The following SMARCA2 variants were observed in gnomAD, a reference collection of about 807,000 sequenced individuals.
SMARCA2 encodes SWI/SNF-related matrix-associated actin-dependent regulator of chromatin subfamily A member 2.
Under a neutral mutation model 199.8 loss-of-function variants are expected in SMARCA2, and 61 were observed. The ratio of observed to expected loss-of-function variants is 0.31; its 90% CI spans 0.25 to 0.38. The LOEUF (loss-of-function observed/expected upper bound fraction) is 0.38, where lower values mean the gene tolerates loss of function less well. Ranked by LOEUF, SMARCA2 falls within the 10% of genes least tolerant of loss-of-function variation. The probability of loss-of-function intolerance (pLI) is 1.00; values close to 1 mark genes in which losing one functional copy is unlikely to be tolerated. For synonymous variants in SMARCA2, 935 were observed against 732.0 expected, an observed-to-expected ratio of 1.28 and a Z score of -4.48; for missense variants, 1,344 against 2,012.2, an observed-to-expected ratio of 0.67 and a Z score of 6.35.
At chr9:2,028,856 C>G in intron 1 of SMARCA2, 131 bp from the exon 2 acceptor site, 1 of 718,228 alleles carries the variant, frequency 1.4e-6, no homozygotes, top group Non-Finnish European at 2.3e-6. Context: ...ACTCAAACAT[C>G]TGGACTAGAC....
Position 2,186,188 on chromosome 9 carries a change from AGAG to A in SMARCA2, c.4560_4562del (p.Glu1523del), listed in dbSNP as rs753887922. 1 of 1,614,098 alleles carries A rather than the reference AGAG, an allele frequency of 6.2e-7. No homozygotes were observed. Among genetic ancestry groups the A allele is most frequent in the South Asian group, 1.1e-5 (1 of 91,078 alleles). On this transcript the variant is annotated inframe_deletion, in exon 32 of 34. Coordinates refer to ENST00000349721, the MANE Select transcript of SMARCA2 (RefSeq NM_003070.5). ...AAGAGAGTGAGGATGAAAGCAATGA[AGAG>A]GAGGAAGAGGAAGATGAAGAAGAGT...
intron 27 of SMARCA2, among the ~76,000 whole-genome samples, chr9:2,138,361 C>CA (rs57469831): frequency 0.2 from 31,104 of 152,000 alleles, 6,181 homozygotes; most frequent in African/African-American, 0.49. Flanking sequence ...TGGATGACAC[C>CA]ATGACCCTTT....
chr9:2,093,519 G>A (rs985727467), intron 19 of SMARCA2, among the ~76,000 whole-genome samples: 3 of 152,174 alleles, frequency 2.0e-5, no homozygotes, highest in Non-Finnish European at 2.9e-5. Flanking sequence ...TTGCTGCCTG[G>A]TTCATTTACT....
At chr9:2,043,299 G>T (rs1017413774) in intron 4 of SMARCA2, 5 of 152,200 alleles carry the variant, frequency 3.3e-5, no homozygotes, top group Non-Finnish European at 7.3e-5. Context: ...AAAGAATTAT[G>T]ATTGGAGTCG....
At chr9:2,117,033 A>G (rs963821150) in intron 25 of SMARCA2, among the ~76,000 whole-genome samples, 7 of 152,216 alleles carry the variant, frequency 4.6e-5, no homozygotes, top group African/African-American at 1.7e-4. Context: ...TCAACTTACA[A>G]TGGTGTTACA....
chr9:2,060,980 G>A lies in SMARCA2; in HGVS notation c.1686G>A (p.Arg562=), dbSNP rs781391587. 3 of 1,613,420 alleles carry A rather than the reference G, an allele frequency of 1.9e-6. No individual in the cohort carries two copies. In the South Asian group the frequency reaches 3.3e-5, roughly 18 times the overall value. Residue 562 remains arginine (R), a synonymous_variant, in exon 9 of 34, where the codon AGG becomes AGA. Coordinates refer to ENST00000349721, the MANE Select transcript of SMARCA2 (RefSeq NM_003070.5). ...AAKEKKKRRR[R]KKKAEENAEG... ...AAGAGAAGAAGAAGAGGAGGAGGAG[G>A]AAGAAGGTGCGTATCCTAGTGGTGG...
At chr9:2,111,374 C>T (rs1297431501) in intron 24 of SMARCA2, among the ~76,000 whole-genome samples, 2 of 151,528 alleles carry the variant, frequency 1.3e-5, no homozygotes, top group Non-Finnish European at 2.9e-5. Context: ...ACCTGTAGTC[C>T]CAAGTTCCTC....
intron 27 of SMARCA2, among the ~76,000 whole-genome samples, chr9:2,127,536 C>T (rs1183992635): frequency 2.0e-5 from 3 of 152,136 alleles, no homozygotes; most frequent in Admixed American, 6.5e-5. Flanking sequence ...GAGCCTCTGC[C>T]GGCTTGGTCA....
chr9:2,144,028 A>T (rs907570948), intron 27 of SMARCA2, among the ~76,000 whole-genome samples: 1 of 152,120 alleles, frequency 6.6e-6, no homozygotes, highest in African/African-American at 2.4e-5. Flanking sequence ...ACCTAGTGCA[A>T]TACAGAATCG....
chr9:2,029,065 C>G lies in SMARCA2; in HGVS notation c.43C>G (p.Pro15Ala). Residue 15 changes from proline (P) to alanine (A), a missense_variant, in exon 2 of 34, where the codon CCT becomes GCT. By Grantham distance (27) the Pro-to-Ala change is conservative. Transcript: ENST00000349721. ...CCCTGGTGCGATGCCCCACCCAGGG[C>G]CTTCGCCGGGGCCTGGGCCTTCCCC... ...TDPGAMPHPG[P>A]SPGPGPSPGP... 1 of 1,560,386 alleles carries G rather than the reference C, an allele frequency of 6.4e-7. No homozygotes were observed. The highest frequency in any genetic ancestry group is 8.7e-7 in the Non-Finnish European group (1 of 1,151,322).
chr9:2,074,171 C>T (rs907310749), intron 12 of SMARCA2, among the ~76,000 whole-genome samples: 1 of 152,056 alleles, frequency 6.6e-6, no homozygotes, highest in Admixed American at 6.5e-5. Context: ...GAGAAGCGCT[C>T]AGTCTCTTGG....
At chr9:2,091,429 T>A (rs1400965302) in intron 19 of SMARCA2, among the ~76,000 whole-genome samples, 2 of 152,268 alleles carry the variant, frequency 1.3e-5, no homozygotes, top group Non-Finnish European at 2.9e-5. Flanking sequence ...TTCATCCATG[T>A]TGTTGCATGT....
rs149543008 is a variant in SMARCA2, at chr9:2,120,779, C to T, written c.3762+1244C>T. On this transcript the variant is annotated intron_variant, in intron 26 of 33. Transcript: ENST00000349721. Reference sequence around the variant, plus strand: ...GCACTTCCCTTTCTCCCTCCGTCCCCGAAATGAACCACCCTTCCCAAGTAA... The same window carrying T: ...GCACTTCCCTTTCTCCCTCCGTCCCTGAAATGAACCACCCTTCCCAAGTAA... Among the ~76,000 whole-genome samples, 958 of 152,180 alleles carry T rather than the reference C, an allele frequency of 6.3e-3. 5 individuals carry two copies. The highest frequency in any genetic ancestry group is 9.2e-3 in the Non-Finnish European group (625 of 68,006).
At chr9:2,027,480 T>C (rs1001530193) in intron 1 of SMARCA2, among the ~76,000 whole-genome samples, 1 of 152,122 alleles carries the variant, frequency 6.6e-6, no homozygotes, top group African/African-American at 2.4e-5. Context: ...AATTAAAAAG[T>C]TGATTTTATT....
intron 19 of SMARCA2, among the ~76,000 whole-genome samples, chr9:2,089,818 T>C (rs1160920777): frequency 6.6e-6 from 1 of 152,164 alleles, no homozygotes; most frequent in East Asian, 1.9e-4. Context: ...GTGCCTTGAA[T>C]TACTTCCTAG....
At chr9:2,182,532 C>G (rs532829892) in intron 31 of SMARCA2, among the ~76,000 whole-genome samples, 51 of 130,484 alleles carry the variant, frequency 3.9e-4, no homozygotes, top group East Asian at 4.7e-4. Flanking sequence ...ATTTCACTGT[C>G]TCCCAGGCTG....
rs766837433 is a variant in SMARCA2, at chr9:2,161,321, A to T, written c.3982-365A>T. On this transcript the variant is annotated intron_variant, in intron 27 of 33. Coordinates refer to ENST00000349721, the MANE Select transcript of SMARCA2 (RefSeq NM_003070.5). The surrounding 1 kb of genome is among the most constrained non-coding windows in gnomAD (Gnocchi z 4.7). ...GTTTTGTTTACCTTTTCCTTCCCTTACAGTAATGAGAACATTAGGGTCTTG... is the reference window on the plus strand; with the variant it reads ...GTTTTGTTTACCTTTTCCTTCCCTTTCAGTAATGAGAACATTAGGGTCTTG... Among the ~76,000 whole-genome samples the T allele has an allele frequency of 6.6e-6, 1 of 152,052 alleles. No individual in the cohort carries two copies. The highest frequency in any genetic ancestry group is 1.5e-5 in the Non-Finnish European group (1 of 68,008).
chr9:2,124,467 T>G (rs117058956), intron 27 of SMARCA2, among the ~76,000 whole-genome samples: 3,772 of 152,322 alleles, frequency 0.025, 95 homozygotes, highest in Non-Finnish European at 0.032. Context: ...ACCTTTGTAC[T>G]TGCTTGGTTT....
intron 20 of SMARCA2, 100 bp from the exon 21 acceptor site, chr9:2,097,285 A>G (rs1190915216): frequency 1.5e-5 from 11 of 736,000 alleles, no homozygotes; most frequent in South Asian, 1.4e-4. Context: ...GAAAAAACCT[A>G]TGGTCCTTTG....
Sources: gnomAD v4.1 joint callset for allele counts (sites outside exome capture counted in the v4.1 genomes callset) on GRCh38, gnomAD v4.1.1 for gene constraint, Gnocchi (gnomAD v3.1) non-coding constraint, MANE v1.5 for transcripts, NCBI Gene and HGNC (gene_info 2026-07-23, HGNC 2026-07-21) for gene names.